The following CCSER1 variants were observed in gnomAD, a reference collection of about 807,000 sequenced individuals.
CCSER1 encodes the protein serine-rich coiled-coil domain-containing protein 1.
In CCSER1, 41 loss-of-function variants were observed where a neutral mutation model predicts 82.0. The ratio of observed to expected loss-of-function variants is 0.50; its 90% CI spans 0.39 to 0.65. CCSER1 has a LOEUF of 0.65. CCSER1 is among the 30% of genes least tolerant of loss of function. CCSER1 has a pLI of 0.00. For missense variants in CCSER1, 1,119 were observed against 1,064.2 expected, an observed-to-expected ratio of 1.05 and a Z score of -0.72; for synonymous variants, 414 against 383.9, an observed-to-expected ratio of 1.08 and a Z score of -0.92.
intron 3 of CCSER1, among the ~76,000 whole-genome samples, chr4:90,350,912 A>C (rs975431405): frequency 1.3e-5 from 2 of 152,190 alleles, no homozygotes; most frequent in African/African-American, 2.4e-5. Flanking sequence ...AATTATACAA[A>C]TCTAAAAATT....
intron 4 of CCSER1, among the ~76,000 whole-genome samples, chr4:90,415,364 A>G (rs1755637165): frequency 1.3e-5 from 2 of 152,348 alleles, no homozygotes; most frequent in Admixed American, 6.5e-5. Context: ...TTGGAGCCTT[A>G]TAAGGAACGT....
chr4:90,336,009 T>A (rs1241321237), intron 3 of CCSER1, among the ~76,000 whole-genome samples: 1 of 152,268 alleles, frequency 6.6e-6, no homozygotes, highest in Admixed American at 6.5e-5. Context: ...ATGCCATGGA[T>A]ACACTGTTTT....
At chr4:90,129,914 A>G (rs1722522687) in intron 1 of CCSER1, among the ~76,000 whole-genome samples, 1 of 152,230 alleles carries the variant, frequency 6.6e-6, no homozygotes, top group Non-Finnish European at 1.5e-5. Flanking sequence ...TTGAACATAG[A>G]TATAATAGGG....
intron 10 of CCSER1, among the ~76,000 whole-genome samples, chr4:91,291,696 A>G (rs1015560917): frequency 6.6e-6 from 1 of 151,984 alleles, no homozygotes. Context: ...AAGTGCCCCT[A>G]TGATTCAGTC....
chr4:90,415,668 G>T (rs1755679562), intron 4 of CCSER1, among the ~76,000 whole-genome samples: 1 of 152,094 alleles, frequency 6.6e-6, no homozygotes. Flanking sequence ...ATAAGAATTT[G>T]GGTTTGTGTT....
At chr4:91,294,383 A>G (rs1743999712) in intron 10 of CCSER1, among the ~76,000 whole-genome samples, 1 of 151,888 alleles carries the variant, frequency 6.6e-6, no homozygotes, top group African/African-American at 2.4e-5. Context: ...TTCCTGATAG[A>G]TCCGAAAAGT....
intron 5 of CCSER1, among the ~76,000 whole-genome samples, chr4:90,490,501 T>C (rs1277455404): frequency 1.3e-5 from 2 of 152,212 alleles, no homozygotes; most frequent in Admixed American, 1.3e-4. Flanking sequence ...TAGTTTCCTT[T>C]GCTGTGCAGA....
At chr4:90,412,902 G>A (rs930595337) in intron 4 of CCSER1, among the ~76,000 whole-genome samples, 1 of 152,072 alleles carries the variant, frequency 6.6e-6, no homozygotes, top group South Asian at 2.1e-4. Context: ...GGAAGTCCTA[G>A]CCAGAGCCAT....
intron 10 of CCSER1, among the ~76,000 whole-genome samples, chr4:91,261,693 A>G (rs374077298): frequency 6.6e-6 from 1 of 151,212 alleles, no homozygotes; most frequent in Non-Finnish European, 1.5e-5. Context: ...GTGTCTTATC[A>G]CTGCCACTTC....
chr4:90,736,705 TATTATTA>T (rs1292297299), intron 7 of CCSER1, among the ~76,000 whole-genome samples: 2 of 152,086 alleles, frequency 1.3e-5, no homozygotes, highest in Non-Finnish European at 2.9e-5. Context: ...CATTCAATGA[TATTATTA>T]ATAAGTAAGG....
intron 4 of CCSER1, among the ~76,000 whole-genome samples, chr4:90,422,806 G>A (rs967648627): frequency 3.9e-5 from 6 of 152,174 alleles, no homozygotes; most frequent in Admixed American, 3.9e-4. Context: ...TCGGGATAAG[G>A]TTTAGATGGA....
intron 10 of CCSER1, among the ~76,000 whole-genome samples, chr4:91,242,998 A>T (rs1739488320): frequency 6.6e-6 from 1 of 152,222 alleles, no homozygotes; most frequent in Non-Finnish European, 1.5e-5. Flanking sequence ...TGGCTAAAAG[A>T]GGCAGTGAAG....
At chr4:90,854,448 C>G (rs1026576589) in intron 8 of CCSER1, among the ~76,000 whole-genome samples, 1 of 152,146 alleles carries the variant, frequency 6.6e-6, no homozygotes, top group African/African-American at 2.4e-5. Flanking sequence ...ATTATCCACT[C>G]TATGCCTAAA....
intron 7 of CCSER1, among the ~76,000 whole-genome samples, chr4:90,810,193 C>A (rs1053575779): frequency 6.6e-6 from 1 of 152,092 alleles, no homozygotes; most frequent in Non-Finnish European, 1.5e-5. Context: ...AAGTCCTGGG[C>A]TCAAGCTATC....
At chr4:91,164,864 A>T (rs999454622) in intron 10 of CCSER1, among the ~76,000 whole-genome samples, 4 of 152,094 alleles carry the variant, frequency 2.6e-5, no homozygotes, top group Admixed American at 6.5e-5. Context: ...CTTCTTTGCA[A>T]TGGGTTCAAA....
chr4:90,960,158 T>C (rs2150373663), intron 9 of CCSER1, among the ~76,000 whole-genome samples: 1 of 152,270 alleles, frequency 6.6e-6, no homozygotes, highest in South Asian at 2.1e-4. Flanking sequence ...CTGTTCACAT[T>C]GTTTTCATTA....
At chr4:90,964,617 C>G (rs770503202) in intron 9 of CCSER1, among the ~76,000 whole-genome samples, 1 of 147,730 alleles carries the variant, frequency 6.8e-6, no homozygotes, top group Admixed American at 6.9e-5. Flanking sequence ...CTCAGCTACT[C>G]GGGAGGCTGA....
intron 1 of CCSER1, among the ~76,000 whole-genome samples, chr4:90,229,204 T>A (rs1743905537): frequency 6.6e-6 from 1 of 152,126 alleles, no homozygotes; most frequent in African/African-American, 2.4e-5. Flanking sequence ...GAAAATATGT[T>A]AAGGGCAGCC....
At chr4:91,528,299 A>G (rs1189550349) in intron 10 of CCSER1, among the ~76,000 whole-genome samples, 1 of 152,186 alleles carries the variant, frequency 6.6e-6, no homozygotes, top group Non-Finnish European at 1.5e-5. Context: ...TAAATTATCA[A>G]CCAATAATAA....
Sources: allele counts gnomAD v4.1 joint callset (sites outside exome capture counted in the v4.1 genomes callset), GRCh38; gene constraint gnomAD v4.1.1; transcripts MANE v1.5; gene names NCBI Gene and HGNC (gene_info 2026-07-23, HGNC 2026-07-21).